Variants in SESTD1 observed in about 807,000 individuals in gnomAD.
The protein encoded by SESTD1 is SEC14 domain and spectrin repeat-containing protein 1.
Under a neutral mutation model 101.7 loss-of-function variants are expected in SESTD1, and 43 were observed. The ratio of observed to expected loss-of-function variants is 0.42; its 90% confidence interval spans 0.33 to 0.55. The LOEUF is 0.55. SESTD1 is among the 20% of genes least tolerant of loss of function. SESTD1 has a pLI of 0.07. For synonymous variants in SESTD1, 283 were observed against 286.8 expected, an observed-to-expected ratio of 0.99 and a Z score of 0.13; for missense variants, 647 against 815.1, an observed-to-expected ratio of 0.79 and a Z score of 2.51.
intron 1 of SESTD1, among the ~76,000 whole-genome samples, chr2:179,211,352 C>A (rs1441532133): frequency 1.5e-5 from 2 of 133,484 alleles, no homozygotes; most frequent in Non-Finnish European, 3.2e-5. Context: ...GCCTGCATAG[C>A]CAAAGAAGAC....
At chr2:179,246,224 C>A (rs1489156010) in intron 1 of SESTD1, among the ~76,000 whole-genome samples, 2 of 124,142 alleles carry the variant, frequency 1.6e-5, no homozygotes, top group Non-Finnish European at 3.2e-5. Flanking sequence ...CACTGCACTG[C>A]GGCCTGGGTG....
At chr2:179,202,199 T>A (rs2105510234) in intron 1 of SESTD1, among the ~76,000 whole-genome samples, 1 of 133,460 alleles carries the variant, frequency 7.5e-6, no homozygotes, top group East Asian at 2.0e-4. Flanking sequence ...TTACTTTTCA[T>A]TTTGTAACGT....
chr2:179,149,509 G>A (rs1216892423), intron 6 of SESTD1, 115 bp from the exon 7 acceptor site: 1 of 623,992 alleles, frequency 1.6e-6, no homozygotes, highest in Non-Finnish European at 2.6e-6. Flanking sequence ...TCCTTCCCCA[G>A]CAGTTCGTGC....
chr2:179,155,873 T>C (rs866351888), intron 5 of SESTD1, among the ~76,000 whole-genome samples: 1 of 152,128 alleles, frequency 6.6e-6, no homozygotes, highest in Non-Finnish European at 1.5e-5. Flanking sequence ...ATTTGTAGTC[T>C]TTTATCCCTT....
rs191694185 is a variant in SESTD1 at position 179,216,089 on chromosome 2, C to A, written c.-25-24223G>T. Among the ~76,000 whole-genome samples, 304 of 134,908 alleles carry A rather than the reference C, an allele frequency of 2.3e-3. 63 individuals carry two copies. In the South Asian group the frequency reaches 0.027, roughly 12 times the overall value. The allele number at this position is 134,908 out of a possible 152,430, so 88.5% of individuals were successfully genotyped here. A position where few individuals can be genotyped will look rare whatever the true frequency, so the allele number is the denominator to read the frequency against. On this transcript the variant is annotated intron_variant, in intron 1 of 17. Coordinates refer to ENST00000428443, the MANE Select transcript of SESTD1 (RefSeq NM_178123.5). ...TGAAAACCTGCACAAGACAAGGATG[C>A]CCTCTCTCACCACTCCTATTCAACA... is the stretch of plus-strand genomic sequence containing the variant.
Position 179,138,508 on chromosome 2 carries a change from T to C in SESTD1, c.849+5084A>G, listed in dbSNP as rs573465998. Among the ~76,000 whole-genome samples, 8 of 152,138 alleles carry C rather than the reference T, an allele frequency of 5.3e-5. No homozygotes were observed. The East Asian group carries it at 1.5e-3, about 29-fold the overall frequency. On this transcript the variant is annotated intron_variant, in intron 9 of 17. Transcript: ENST00000428443. The stretch of plus-strand genomic sequence containing the variant: ...GTCCGAATCAAAATGGAGTCACTAA[T>C]ATTGGGGGAAAAATAAAGAACCCTG...
chr2:179,145,758 G>C (rs185575359), intron 8 of SESTD1, among the ~76,000 whole-genome samples: 2 of 152,088 alleles, frequency 1.3e-5, no homozygotes, highest in Non-Finnish European at 2.9e-5. Flanking sequence ...CTTGATCTTC[G>C]GCAAGTCATT....
At chr2:179,231,340 A>G (rs76323631) in intron 1 of SESTD1, among the ~76,000 whole-genome samples, 4,146 of 152,220 alleles carry the variant, frequency 0.027, 89 homozygotes, top group Admixed American at 0.035. Context: ...AGAAAAAGAA[A>G]AATGTAAAAT....
intron 1 of SESTD1, among the ~76,000 whole-genome samples, chr2:179,230,055 C>T (rs1030526064): frequency 2.1e-5 from 3 of 143,934 alleles, no homozygotes; most frequent in Admixed American, 7.2e-5. Context: ...AAAGCACCCC[C>T]AAAAAACCAA....
At chr2:179,124,018 G>C (rs962421185) in intron 11 of SESTD1, among the ~76,000 whole-genome samples, 189 bp from the exon 12 acceptor site, 1 of 152,132 alleles carries the variant, frequency 6.6e-6, no homozygotes, top group African/African-American at 2.4e-5. Flanking sequence ...GCATGCACCA[G>C]GAAGACAAAG....
intron 1 of SESTD1, among the ~76,000 whole-genome samples, chr2:179,263,134 C>A (rs927483064): frequency 2.6e-5 from 4 of 152,104 alleles, no homozygotes; most frequent in Non-Finnish European, 4.4e-5. Flanking sequence ...ATAAAAACAG[C>A]CTATAGAGTT....
chr2:179,166,700 C>T (rs566539602), intron 5 of SESTD1, among the ~76,000 whole-genome samples: 4 of 152,172 alleles, frequency 2.6e-5, no homozygotes, highest in East Asian at 1.9e-4. Context: ...TTCTCTGAGG[C>T]GCAGGTACAA....
At chr2:179,191,708 C>A in intron 2 of SESTD1, 79 bp downstream of exon 2, 1 of 1,145,318 alleles carries the variant, frequency 8.7e-7, no homozygotes, top group Non-Finnish European at 1.3e-6. Flanking sequence ...AAAAAAAATG[C>A]ATCTGTCATA....
chr2:179,250,779 TG>T, intron 1 of SESTD1, among the ~76,000 whole-genome samples: 2 of 152,346 alleles, frequency 1.3e-5, no homozygotes, highest in Middle Eastern at 6.8e-3. Flanking sequence ...ATGAAATTTG[TG>T]GGGATATAAT....
chr2:179,233,030 T>C (rs190345717), intron 1 of SESTD1, among the ~76,000 whole-genome samples: 19 of 152,168 alleles, frequency 1.2e-4, no homozygotes, highest in African/African-American at 3.9e-4. Context: ...CAAAGAAATA[T>C]GGAGATCCAC....
chr2:179,234,301 A>T (rs1044697663), intron 1 of SESTD1, among the ~76,000 whole-genome samples: 1 of 152,178 alleles, frequency 6.6e-6, no homozygotes, highest in Non-Finnish European at 1.5e-5. Flanking sequence ...TGATCATGTA[A>T]GCAAATCCCT....
At chr2:179,110,853 G>A (rs1202522649) in intron 17 of SESTD1, among the ~76,000 whole-genome samples, 2 of 152,148 alleles carry the variant, frequency 1.3e-5, no homozygotes, top group Non-Finnish European at 2.9e-5. Flanking sequence ...ATATACATAA[G>A]TTTTAATATG....
intron 4 of SESTD1, 104 bp from the exon 5 acceptor site, chr2:179,172,337 T>C (rs2045941859): frequency 1.6e-6 from 1 of 627,618 alleles, no homozygotes; most frequent in East Asian, 3.1e-5. Flanking sequence ...TAAGAGATTT[T>C]TGGAGAAGAA....
intron 10 of SESTD1, among the ~76,000 whole-genome samples, chr2:179,128,009 A>G (rs2044916579): frequency 1.3e-5 from 2 of 152,208 alleles, no homozygotes; most frequent in African/African-American, 4.8e-5. Flanking sequence ...GCAGTGAAGG[A>G]TTAGAGTCCT....
Sources: gnomAD v4.1 joint callset for allele counts (sites outside exome capture counted in the v4.1 genomes callset) on GRCh38, gnomAD v4.1.1 for gene constraint, MANE v1.5 for transcripts, NCBI Gene and HGNC (gene_info 2026-07-23, HGNC 2026-07-21) for gene names.